Variants in CRACR2A observed in about 807,000 individuals in gnomAD.
The protein encoded by CRACR2A is EF-hand calcium-binding domain-containing protein 4B.
Under a neutral mutation model 90.5 loss-of-function variants are expected in CRACR2A, and 79 were observed. The ratio of observed to expected loss-of-function variants is 0.87; its 90% CI spans 0.73 to 1.05. The LOEUF (loss-of-function observed/expected upper bound fraction) is 1.05, where lower values mean the gene tolerates loss of function less well. Ranked by LOEUF, CRACR2A falls within the 50% of genes least tolerant of loss-of-function variation. CRACR2A has a pLI of 0.00. For synonymous variants in CRACR2A, 338 were observed against 356.7 expected, an observed-to-expected ratio of 0.95 and a Z score of 0.59; for missense variants, 823 against 897.2, an observed-to-expected ratio of 0.92 and a Z score of 1.06.
rs1234268150 is a variant in CRACR2A, at chr12:3,720,411, GA to G, written c.-117-7095del. Among the ~76,000 whole-genome samples the G allele has an allele frequency of 2.9e-5, 4 of 139,730 alleles. No individual in the cohort carries two copies. In the Admixed American group the frequency reaches 2.9e-4, roughly 10 times the overall value. 91.7% of individuals were successfully genotyped at this position (139,730 alleles called of 152,430 possible). On this transcript the variant is annotated intron_variant, in intron 2 of 19. Transcript: ENST00000440314. ...GGAGGGGGGGAGGGACGGAGTGAGAGAGAGGAAGAAAGAAAGAAAGAAAGAA... is the reference window on the plus strand; with the variant it reads ...GGAGGGGGGGAGGGACGGAGTGAGAGGAGGAAGAAAGAAAGAAAGAAAGAA...
chr12:3,634,829 A>T lies in CRACR2A; in HGVS notation c.1603-1093T>A, dbSNP rs567668037. Among the ~76,000 whole-genome samples, 10 of 152,316 alleles carry T rather than the reference A, an allele frequency of 6.6e-5. No individual in the cohort carries two copies. In the East Asian group the frequency reaches 1.5e-3, roughly 23 times the overall value. On this transcript the variant is annotated intron_variant, in intron 14 of 19. Transcript: ENST00000440314. Reference sequence around the variant, plus strand: ...CATGCAGTATTTAGGAGAGAATTCAAGGTCATCTACAAAAATTTAAACTAA... The same window carrying T: ...CATGCAGTATTTAGGAGAGAATTCATGGTCATCTACAAAAATTTAAACTAA...
chr12:3,691,411 G>A (rs1271698233), intron 4 of CRACR2A, among the ~76,000 whole-genome samples: 1 of 152,124 alleles, frequency 6.6e-6, no homozygotes, highest in Admixed American at 6.5e-5. Flanking sequence ...AGCTTAGTTT[G>A]GCTGGATATG....
At chr12:3,651,087 T>G (rs1591656653) in intron 10 of CRACR2A, among the ~76,000 whole-genome samples, 2 of 152,332 alleles carry the variant, frequency 1.3e-5, no homozygotes, top group Middle Eastern at 6.8e-3. Flanking sequence ...GGAAAGAACC[T>G]GCGTTTGTTT....
chr12:3,624,525 C>A (rs1944218036), intron 17 of CRACR2A, among the ~76,000 whole-genome samples: 1 of 152,204 alleles, frequency 6.6e-6, no homozygotes. Context: ...CCGTTCCACA[C>A]CTTCAACACA....
At position 3,730,443 on chromosome 12, in the gene CRACR2A, C is replaced by G. The variant is rs181759573; in HGVS notation, c.-118+2499G>C. ...AGTGTTTCCAGTTCTGTTGATTATT[C>G]AAAGATTTTTCAGAATTTTTAAATG... is the stretch of plus-strand genomic sequence containing the variant. On this transcript the variant is annotated intron_variant, in intron 2 of 19. Coordinates refer to ENST00000440314, the MANE Select transcript of CRACR2A (RefSeq NM_001144958.2). 3.9e-5 allele frequency: 6 copies of G among 152,264 alleles called. No individual in the cohort carries two copies. The East Asian group carries it at 1.2e-3, about 29-fold the overall frequency. The allele number at this position is 152,264 out of a possible 1,614,324, so 9.4% of individuals were successfully genotyped here. A position where few individuals can be genotyped will look rare whatever the true frequency, so the allele number is the denominator to read the frequency against.
chr12:3,670,893 T>C (rs1236939120), intron 7 of CRACR2A, among the ~76,000 whole-genome samples: 1 of 152,114 alleles, frequency 6.6e-6, no homozygotes, highest in African/African-American at 2.4e-5. Flanking sequence ...CACAGTTCCC[T>C]AGCAGGGAGT....
At chr12:3,620,084 T>C (rs1244452153) in intron 17 of CRACR2A, among the ~76,000 whole-genome samples, 1 of 152,210 alleles carries the variant, frequency 6.6e-6, no homozygotes, top group Admixed American at 6.5e-5. Flanking sequence ...AGGTATCACA[T>C]TGTTTACTTC....
intron 3 of CRACR2A, among the ~76,000 whole-genome samples, chr12:3,701,757 TA>T (rs1945838066): frequency 6.6e-6 from 1 of 152,104 alleles, no homozygotes; most frequent in Non-Finnish European, 1.5e-5. Context: ...GAATAAGTAA[TA>T]CCAATTCTAT....
chr12:3,743,204 G>A (rs1257086803), intron 1 of CRACR2A, among the ~76,000 whole-genome samples: 3 of 152,204 alleles, frequency 2.0e-5, no homozygotes, highest in Non-Finnish European at 4.4e-5. Flanking sequence ...GTGTGACTAC[G>A]TAATGGAAGC....
intron 7 of CRACR2A, among the ~76,000 whole-genome samples, chr12:3,668,356 G>T (rs12298364): frequency 6.6e-6 from 1 of 152,094 alleles, no homozygotes; most frequent in Non-Finnish European, 1.5e-5. Context: ...TATCAGAACC[G>T]CCTGGGATGT....
At chr12:3,752,327 CACACACACGG>C (rs1946719130) in intron 1 of CRACR2A, among the ~76,000 whole-genome samples, 1 of 55,166 alleles carries the variant, frequency 1.8e-5, no homozygotes. Flanking sequence ...CACACACTCG[CACACACACGG>C]ACACACACAC....
intron 1 of CRACR2A, among the ~76,000 whole-genome samples, chr12:3,745,798 A>AATAAC (rs1946608777): frequency 3.3e-4 from 2 of 6,026 alleles, no homozygotes; most frequent in Non-Finnish European, 7.0e-4. Flanking sequence ...AATAAAATAA[A>AATAAC]ATAAAATAAA....
chr12:3,687,436 G>A (rs547535908), intron 4 of CRACR2A, among the ~76,000 whole-genome samples: 6 of 152,140 alleles, frequency 3.9e-5, no homozygotes, highest in African/African-American at 1.4e-4. Flanking sequence ...CTTATAAGTA[G>A]GAACATGTGG....
Position 3,633,056 on chromosome 12 carries a change from AG to A in CRACR2A, c.1735+547del, listed in dbSNP as rs1223451243. 6.6e-6 allele frequency among the ~76,000 whole-genome samples: 1 copy of A among 152,232 alleles called. No individual in the cohort carries two copies. The highest frequency in any genetic ancestry group is 1.9e-4 in the East Asian group (1 of 5,190). On this transcript the variant is annotated intron_variant, in intron 15 of 19. Transcript: ENST00000440314. The surrounding 1 kb of genome is among the most constrained non-coding windows in gnomAD (Gnocchi z 4.5). ...CATCCATTAATAGCTGAGCCTAATG[AG>A]CTTCCACATTTAAGTCCAGCTGTCG...
At chr12:3,639,928 C>T (rs538280797) in intron 13 of CRACR2A, among the ~76,000 whole-genome samples, 3 of 152,278 alleles carry the variant, frequency 2.0e-5, no homozygotes, top group African/African-American at 4.8e-5. Context: ...TTGGTATTCC[C>T]ATCTACTTTT....
At chr12:3,654,123 A>G in intron 10 of CRACR2A, 89 bp downstream of exon 10, 1 of 1,474,802 alleles carries the variant, frequency 6.8e-7, no homozygotes, top group Non-Finnish European at 9.2e-7. Flanking sequence ...ACAGGCAAGG[A>G]GACAGGGTCT....
intron 13 of CRACR2A, 84 bp from the exon 14 acceptor site, chr12:3,638,538 C>T (rs1944501484): frequency 7.1e-7 from 1 of 1,405,822 alleles, no homozygotes; most frequent in African/African-American, 1.4e-5. Flanking sequence ...TTGTGACGAA[C>T]AGATACCCAA....
chr12:3,634,188 G>A (rs1353439896), intron 14 of CRACR2A, among the ~76,000 whole-genome samples: 5 of 152,188 alleles, frequency 3.3e-5, no homozygotes, highest in African/African-American at 7.2e-5. Context: ...AGAGAAGGAC[G>A]AAAGAAGGCT....
At chr12:3,720,183 G>A (rs1462539872) in intron 2 of CRACR2A, among the ~76,000 whole-genome samples, 2 of 106,946 alleles carry the variant, frequency 1.9e-5, no homozygotes, top group Admixed American at 9.8e-5. Flanking sequence ...AAGGGAGGGC[G>A]GGAGGGAGGG....
Sources: gnomAD v4.1 joint callset for allele counts (sites outside exome capture counted in the v4.1 genomes callset) on GRCh38, gnomAD v4.1.1 for gene constraint, Gnocchi (gnomAD v3.1) non-coding constraint, MANE v1.5 for transcripts, NCBI Gene and HGNC (gene_info 2026-07-23, HGNC 2026-07-21) for gene names.